Variants in PACSIN2 observed in about 807,000 individuals in gnomAD.
PACSIN2 encodes the protein protein kinase C and casein kinase substrate in neurons protein 2.
In PACSIN2, 25 loss-of-function variants were observed where a neutral mutation model predicts 63.8. That is an observed-to-expected ratio of 0.39 (90% CI 0.29 to 0.55). The LOEUF is 0.55. Among genes scored for constraint, PACSIN2 ranks in the 20% least tolerant of loss-of-function variants. The pLI, the probability that PACSIN2 is intolerant of heterozygous loss-of-function variation, is 0.62. For missense variants in PACSIN2, 518 were observed against 646.9 expected (o/e 0.80, Z 2.16); for synonymous variants, 255 against 256.2 (o/e 1.00, Z 0.05).
intron 5 of PACSIN2, 105 bp from the exon 6 acceptor site, chr22:42,884,666 A>C: frequency 2.5e-6 from 2 of 805,122 alleles, no homozygotes; most frequent in Non-Finnish European, 3.9e-6. Context: ...AATGCAAAGA[A>C]AAAACAGGAG....
intron 1 of PACSIN2, among the ~76,000 whole-genome samples, chr22:43,014,229 T>A (rs5759094): frequency 1.3e-5 from 2 of 151,150 alleles, no homozygotes; most frequent in African/African-American, 4.9e-5. Context: ...GGGGAAACTC[T>A]GAGGAGGGTC....
intron 1 of PACSIN2, among the ~76,000 whole-genome samples, chr22:42,916,271 T>A (rs938323040): frequency 6.6e-6 from 1 of 151,866 alleles, no homozygotes; most frequent in African/African-American, 2.4e-5. Flanking sequence ...AGCTCCACAG[T>A]CACAAGGAAT....
chr22:42,876,760 G>C (rs1209956997), intron 9 of PACSIN2, 128 bp downstream of exon 9: 5 of 1,233,884 alleles, frequency 4.1e-6, no homozygotes, highest in Non-Finnish European at 5.8e-6. Context: ...GGTGCGGCAC[G>C]CCAGGTGCCC....
chr22:42,960,863 T>TA (rs1415411941), intron 1 of PACSIN2, among the ~76,000 whole-genome samples: 1 of 152,196 alleles, frequency 6.6e-6, no homozygotes, highest in Admixed American at 6.5e-5. Flanking sequence ...TAACACTTTT[T>TA]AAAATCTCAT....
At chr22:42,899,986 T>TA (rs1204962490) in intron 2 of PACSIN2, among the ~76,000 whole-genome samples, 1 of 152,006 alleles carries the variant, frequency 6.6e-6, no homozygotes, top group Admixed American at 6.6e-5. Flanking sequence ...GGTGGAGAAA[T>TA]AGAGACAGGA....
At chr22:42,916,542 C>T (rs947630586) in intron 1 of PACSIN2, among the ~76,000 whole-genome samples, 1 of 152,100 alleles carries the variant, frequency 6.6e-6, no homozygotes, top group African/African-American at 2.4e-5. Context: ...ACCACCTCAC[C>T]CCTCCCACGG....
At chr22:42,950,215 G>C (rs950197533) in intron 1 of PACSIN2, among the ~76,000 whole-genome samples, 17 of 152,064 alleles carry the variant, frequency 1.1e-4, no homozygotes, top group African/African-American at 3.9e-4. Flanking sequence ...AAGTAATCTA[G>C]AGATGATTTA....
At chr22:42,899,062 G>A (rs981391356) in intron 2 of PACSIN2, among the ~76,000 whole-genome samples, 3 of 152,164 alleles carry the variant, frequency 2.0e-5, no homozygotes, top group Admixed American at 2.0e-4. Context: ...ACAGGACCAT[G>A]CCAAGCTCTG....
chr22:42,927,302 G>A (rs1035871153), intron 1 of PACSIN2, among the ~76,000 whole-genome samples: 2 of 151,644 alleles, frequency 1.3e-5, no homozygotes, highest in Admixed American at 1.3e-4. Flanking sequence ...CTGGAGCACA[G>A]TGGCACGATC....
chr22:42,915,693 G>A (rs932032505), intron 1 of PACSIN2, among the ~76,000 whole-genome samples: 3 of 152,164 alleles, frequency 2.0e-5, no homozygotes, highest in African/African-American at 7.2e-5. Context: ...AAGTAAAACA[G>A]AATTAGGAAG....
At chr22:42,913,314 T>A (rs2267471) in intron 1 of PACSIN2, among the ~76,000 whole-genome samples, 28,447 of 152,042 alleles carry the variant, frequency 0.19, 4,561 homozygotes, top group East Asian at 0.73. Flanking sequence ...ACCCCGTCTC[T>A]ACTAAAAATA....
At chr22:42,912,345 T>C (rs898605256) in intron 1 of PACSIN2, among the ~76,000 whole-genome samples, 188 bp from the exon 2 acceptor site, 2 of 152,196 alleles carry the variant, frequency 1.3e-5, no homozygotes, top group African/African-American at 4.8e-5. Context: ...TATGTCTGTG[T>C]GTGTGCATGG....
At chr22:42,894,783 G>C (rs1216196230) in intron 2 of PACSIN2, among the ~76,000 whole-genome samples, 1 of 152,198 alleles carries the variant, frequency 6.6e-6, no homozygotes, top group Non-Finnish European at 1.5e-5. Context: ...CTGATAACTT[G>C]AGCACCCAGA....
chr22:42,889,517 G>A (rs907570638), intron 4 of PACSIN2, among the ~76,000 whole-genome samples: 4 of 152,086 alleles, frequency 2.6e-5, no homozygotes, highest in African/African-American at 9.7e-5. Context: ...ATGGGGCCAG[G>A]GACAAAACAG....
intron 1 of PACSIN2, chr22:42,945,802 G>A (rs760567088): frequency 6.6e-6 from 1 of 152,454 alleles, no homozygotes; most frequent in Non-Finnish European, 1.5e-5. Context: ...CACTTGTTTA[G>A]TCCCCGACTC....
chr22:43,011,230 G>T (rs1423113067), intron 1 of PACSIN2, among the ~76,000 whole-genome samples: 1 of 152,198 alleles, frequency 6.6e-6, no homozygotes, highest in African/African-American at 2.4e-5. Flanking sequence ...CGTAACTAAG[G>T]CATTGCTGCA....
At chr22:42,872,854 T>C (rs1168171491) in intron 10 of PACSIN2, among the ~76,000 whole-genome samples, 1 of 152,282 alleles carries the variant, frequency 6.6e-6, no homozygotes, top group Admixed American at 6.5e-5. Context: ...CAGGAGCAGA[T>C]GCAGGGGCCA....
At chr22:42,876,080 C>T (rs1368196937) in intron 10 of PACSIN2, 57 bp downstream of exon 10, 1 of 1,487,624 alleles carries the variant, frequency 6.7e-7, no homozygotes, top group Non-Finnish European at 9.2e-7. Flanking sequence ...AAAAAGACCG[C>T]CCACAGCCTG....
At chr22:43,007,992 G>A in intron 1 of PACSIN2, among the ~76,000 whole-genome samples, 1 of 152,192 alleles carries the variant, frequency 6.6e-6, no homozygotes, top group East Asian at 1.9e-4. Context: ...TTAATGGAGT[G>A]CCCCAGCTGG....
Sources: allele counts gnomAD v4.1 joint callset (sites outside exome capture counted in the v4.1 genomes callset), GRCh38; gene constraint gnomAD v4.1.1; transcripts MANE v1.5; gene names NCBI Gene and HGNC (gene_info 2026-07-23, HGNC 2026-07-21).